The following PCDHGA2 variants were observed in gnomAD, a reference collection of about 807,000 sequenced individuals.
PCDHGA2 encodes protocadherin gamma subfamily A, 2, also known as protocadherin gamma-A2.
In PCDHGA2, 40 loss-of-function variants were observed where a neutral mutation model predicts 59.2. The ratio of observed to expected loss-of-function variants is 0.68; its 90% CI spans 0.52 to 0.88. The LOEUF is 0.88. Ranked by LOEUF, PCDHGA2 falls within the 40% of genes least tolerant of loss-of-function variation. The pLI is 0.00. For synonymous variants in PCDHGA2, 560 were observed against 526.0 expected, an observed-to-expected ratio of 1.06 and a Z score of -0.89; for missense variants, 1,226 against 1,204.0, an observed-to-expected ratio of 1.02 and a Z score of -0.27.
At chr5:141,361,549 G>C in intron 1 of PCDHGA2, 1 of 1,614,036 alleles carries the variant, frequency 6.2e-7, no homozygotes, top group Non-Finnish European at 8.5e-7. Flanking sequence ...CGCCTCTATC[G>C]CTCAAATCAG....
chr5:141,481,261 C>T lies in PCDHGA2; in HGVS notation c.2425-13546C>T, dbSNP rs2099534823. ...TACATAGCATAGCTCTAAAAGATCA[C>T]TGTAGGAAGACATAAAATGGTATTT... On this transcript the variant is annotated intron_variant, in intron 1 of 3. Coordinates refer to ENST00000394576, the MANE Select transcript of PCDHGA2 (RefSeq NM_018915.4). Among the ~76,000 whole-genome samples, 3 of 152,252 alleles carry T rather than the reference C, an allele frequency of 2.0e-5. No individual in the cohort carries two copies. The East Asian group carries it at 5.8e-4, about 29-fold the overall frequency.
intron 1 of PCDHGA2, chr5:141,390,019 G>T (rs1047341984): frequency 1.9e-6 from 3 of 1,614,002 alleles, no homozygotes; most frequent in Non-Finnish European, 2.5e-6. Flanking sequence ...ATTGCCTTGC[G>T]CCTGCGACGC....
In PCDHGA2 at chr5:141,489,844, C is replaced by G. The variant is rs1004902910; in HGVS notation, c.2425-4963C>G. Reference sequence around the variant, plus strand: ...GCTGGTGCTAGAGCAGCAGCTGGATCGTGAAGCCCAGGCAAGACATCAGCT... The same window carrying G: ...GCTGGTGCTAGAGCAGCAGCTGGATGGTGAAGCCCAGGCAAGACATCAGCT... On this transcript the variant is annotated intron_variant, in intron 1 of 3. Coordinates refer to ENST00000394576, the MANE Select transcript of PCDHGA2 (RefSeq NM_018915.4). The surrounding 1 kb of genome is among the most constrained non-coding windows in gnomAD (Gnocchi z 4.5). The G allele has an allele frequency of 1.2e-6, 2 of 1,614,030 alleles. No individual in the cohort carries two copies. Among genetic ancestry groups the G allele is most frequent in the Non-Finnish European group, 8.5e-7 (1 of 1,179,990 alleles).
intron 1 of PCDHGA2, chr5:141,417,860 A>G (rs1168739756): frequency 7.7e-6 from 12 of 1,549,390 alleles, no homozygotes; most frequent in African/African-American, 1.4e-5. Flanking sequence ...CGAGCGAACG[A>G]TGGGAGGGAG....
In PCDHGA2 at chr5:141,486,661, G is replaced by T. The variant is rs373446844; in HGVS notation, c.2425-8146G>T. ...CGCTTATCTCCTACTCACTCCTGGA[G>T]CCCAGGAATCGAGATGTATCAGCTT... is the stretch of plus-strand genomic sequence containing the variant. On this transcript the variant is annotated intron_variant, in intron 1 of 3. Transcript: ENST00000394576. The surrounding 1 kb of genome is among the most constrained non-coding windows in gnomAD (Gnocchi z 5.0). 6.2e-6 allele frequency: 10 copies of T among 1,613,836 alleles called. No individual in the cohort carries two copies. Among genetic ancestry groups the T allele is most frequent in the African/African-American group, 4.0e-5 (3 of 74,918 alleles).
chr5:141,431,932 CT>C lies in PCDHGA2; in HGVS notation c.2425-62872del, dbSNP rs748715936. ...TCTGTTTCATCCAAGGAAATCTGCC[CT>C]TTAAATTAGAAAAATCTTACGGAAA... On this transcript the variant is annotated intron_variant, in intron 1 of 3. Transcript: ENST00000394576. The surrounding 1 kb of genome is among the most constrained non-coding windows in gnomAD (Gnocchi z 4.8). The C allele has an allele frequency of 6.2e-7, 1 of 1,614,172 alleles. No individual in the cohort carries two copies. Among genetic ancestry groups the C allele is most frequent in the Non-Finnish European group, 8.5e-7 (1 of 1,180,002 alleles).
intron 1 of PCDHGA2, chr5:141,420,315 A>G (rs755723069): frequency 6.2e-6 from 9 of 1,440,144 alleles, no homozygotes; most frequent in Non-Finnish European, 8.4e-6. Context: ...TTATATTACA[A>G]TATGCCAATA....
chr5:141,423,415 G>GA (rs750028507), intron 1 of PCDHGA2: 3 of 1,614,134 alleles, frequency 1.9e-6, no homozygotes, highest in Non-Finnish European at 2.5e-6. Context: ...GCAGGCTTCT[G>GA]AAGGCGGGTT....
intron 1 of PCDHGA2, chr5:141,357,555 T>C (rs1760655729): frequency 1.2e-5 from 20 of 1,614,086 alleles, no homozygotes; most frequent in Non-Finnish European, 1.7e-5. Flanking sequence ...GGGAGAGTTG[T>C]GAGAAAAGCG....
At chr5:141,420,215 A>G in intron 1 of PCDHGA2, 2 of 1,612,096 alleles carry the variant, frequency 1.2e-6, no homozygotes, top group South Asian at 1.1e-5. Context: ...CAAAGATAGC[A>G]TGCTACTGGC....
At chr5:141,414,221 C>A in intron 1 of PCDHGA2, 1 of 1,613,126 alleles carries the variant, frequency 6.2e-7, no homozygotes, top group Non-Finnish European at 8.5e-7. Flanking sequence ...GACAACAGTC[C>A]AGAGCTGACC....
At chr5:141,383,575 G>T in intron 1 of PCDHGA2, 1 of 1,613,234 alleles carries the variant, frequency 6.2e-7, no homozygotes, top group African/African-American at 1.3e-5. Flanking sequence ...ATCCAGCACC[G>T]CCCACATCCA....
At chr5:141,413,118 G>C (rs999214227) in intron 1 of PCDHGA2, 1 of 1,517,152 alleles carries the variant, frequency 6.6e-7, no homozygotes, top group Non-Finnish European at 8.9e-7. Flanking sequence ...CAAAGGAACC[G>C]GTTGAAACAC....
chr5:141,357,725 T>TTCTATAAAGCAA, intron 1 of PCDHGA2: 9 of 1,394,618 alleles, frequency 6.5e-6, no homozygotes, highest in Middle Eastern at 3.8e-4. Flanking sequence ...GTTGCCTCTT[T>TTCTATAAAGCAA]TAATATTTTA....
At chr5:141,399,625 T>C (rs1270466401) in intron 1 of PCDHGA2, 9 of 1,613,796 alleles carry the variant, frequency 5.6e-6, no homozygotes, top group African/African-American at 1.3e-5. Context: ...ACTGGCCTCT[T>C]ACGTGTCCAT....
Position 141,345,510 on chromosome 5 carries a change from G to T in PCDHGA2, c.2424+4115G>T, listed in dbSNP as rs778058001. 4.3e-6 allele frequency: 7 copies of T among 1,613,982 alleles called. No individual in the cohort carries two copies. The African/African-American group carries it at 8.0e-5, about 18-fold the overall frequency. On this transcript the variant is annotated intron_variant, in intron 1 of 3. Transcript: ENST00000394576. Reference sequence around the variant, plus strand: ...CGCCCGCATCACTTATGCATTGACCGAGGACACTCTCCAGGGGGCGCCCCT... The same window carrying T: ...CGCCCGCATCACTTATGCATTGACCTAGGACACTCTCCAGGGGGCGCCCCT...
At chr5:141,433,289 G>C in intron 1 of PCDHGA2, 1 of 1,130,682 alleles carries the variant, frequency 8.8e-7, no homozygotes, top group Non-Finnish European at 1.3e-6. Context: ...AAACTCCTAG[G>C]CTCAAGCAAT....
At chr5:141,347,137 CTCTTTCTT>C (rs70988799) in intron 1 of PCDHGA2, among the ~76,000 whole-genome samples, 12,178 of 113,746 alleles carry the variant, frequency 0.11, 848 homozygotes, top group Non-Finnish European at 0.15. Context: ...CTCTGTTTCT[CTCTTTCTT>C]TCTTTCTTTC....
At chr5:141,478,497 C>T in intron 1 of PCDHGA2, 1 of 1,612,820 alleles carries the variant, frequency 6.2e-7, no homozygotes, top group Non-Finnish European at 8.5e-7. Context: ...AGCTGTGATC[C>T]GGTGTTCTAT....
Sources: allele counts gnomAD v4.1 joint callset (sites outside exome capture counted in the v4.1 genomes callset), GRCh38; gene constraint gnomAD v4.1.1; non-coding constraint Gnocchi (gnomAD v3.1); transcripts MANE v1.5; gene names NCBI Gene and HGNC (gene_info 2026-07-23, HGNC 2026-07-21).